The following MAF variants were observed in gnomAD, a reference collection of about 807,000 sequenced individuals.
MAF encodes the protein MAF bZIP transcription factor.
A neutral mutation model predicts 22.0 loss-of-function variants in MAF; 10 were observed. That is an observed-to-expected ratio of 0.45 (90% CI 0.28 to 0.77). The LOEUF (loss-of-function observed/expected upper bound fraction) is 0.77, where lower values mean the gene tolerates loss of function less well. MAF is among the 30% of genes least tolerant of loss of function. The pLI is 0.12. For missense variants in MAF, 544 were observed against 548.4 expected, an observed-to-expected ratio of 0.99 and a Z score of 0.08; for synonymous variants, 337 against 255.8, an observed-to-expected ratio of 1.32 and a Z score of -3.03.
chr16:79,488,351 C>A, the MAF span, among the ~76,000 whole-genome samples: 1 of 152,186 alleles, frequency 6.6e-6, no homozygotes, highest in Non-Finnish European at 1.5e-5. Context: ...CACCCCCTTA[C>A]TCTCCAGGTG....
At chr16:79,445,925 A>C in the MAF span, among the ~76,000 whole-genome samples, 152 of 152,334 alleles carry the variant, frequency 1.0e-3, no homozygotes, top group Non-Finnish European at 1.8e-3. Context: ...AATAAAAACA[A>C]TACATCAGAC....
chr16:79,316,021 C>A, the MAF span, among the ~76,000 whole-genome samples: 1 of 152,158 alleles, frequency 6.6e-6, no homozygotes, highest in Non-Finnish European at 1.5e-5. Flanking sequence ...CAGACCAGCT[C>A]ATGCTTGTGA....
the MAF span, among the ~76,000 whole-genome samples, chr16:79,403,993 T>C: frequency 3.9e-3 from 594 of 152,218 alleles, 7 homozygotes; most frequent in African/African-American, 0.014. Flanking sequence ...CTCACCTCCG[T>C]CCATGCAGTG....
At chr16:79,479,159 G>A in the MAF span, among the ~76,000 whole-genome samples, 10 of 151,628 alleles carry the variant, frequency 6.6e-5, no homozygotes, top group Non-Finnish European at 1.2e-4. Flanking sequence ...CAGCATACCC[G>A]TATCCCATCT....
At chr16:79,358,283 C>T in the MAF span, among the ~76,000 whole-genome samples, 2 of 152,164 alleles carry the variant, frequency 1.3e-5, no homozygotes, top group Non-Finnish European at 2.9e-5. Context: ...AGTTCCTCGA[C>T]CCCAGCAGGC....
the MAF span, among the ~76,000 whole-genome samples, chr16:79,316,577 A>C: frequency 6.6e-6 from 1 of 152,188 alleles, no homozygotes; most frequent in South Asian, 2.1e-4. Flanking sequence ...TAACCCAAAG[A>C]TCACTGGAAG....
At chr16:79,350,735 G>A in the MAF span, among the ~76,000 whole-genome samples, 1 of 152,168 alleles carries the variant, frequency 6.6e-6, no homozygotes, top group Non-Finnish European at 1.5e-5. Flanking sequence ...GACCCTGCAG[G>A]GACCTGCCCT....
the MAF span, among the ~76,000 whole-genome samples, chr16:79,323,587 C>G: frequency 6.6e-6 from 1 of 152,164 alleles, no homozygotes; most frequent in South Asian, 2.1e-4. Context: ...AACGCACACG[C>G]TCCCATGGGC....
downstream of MAF, among the ~76,000 whole-genome samples, chr16:79,591,389 A>G (rs1913183293): frequency 1.3e-5 from 2 of 152,210 alleles, no homozygotes; most frequent in Non-Finnish European, 2.9e-5. Flanking sequence ...TCTTGAATTA[A>G]TGCTCCTTCT....
chr16:79,233,518 G>C, the MAF span, among the ~76,000 whole-genome samples: 1 of 152,152 alleles, frequency 6.6e-6, no homozygotes, highest in South Asian at 2.1e-4. Context: ...AGATGCATCA[G>C]TAGCTAAGCA....
the MAF span, among the ~76,000 whole-genome samples, chr16:79,215,629 G>A: frequency 3.9e-5 from 6 of 152,224 alleles, no homozygotes; most frequent in African/African-American, 1.4e-4. Flanking sequence ...GACAACATGA[G>A]GCCTCGGGGA....
At chr16:79,452,544 T>A in the MAF span, among the ~76,000 whole-genome samples, 17 of 152,280 alleles carry the variant, frequency 1.1e-4, 1 homozygote, top group African/African-American at 4.1e-4. Context: ...TAAGATGACT[T>A]TTTTTCAGTA....
the MAF span, among the ~76,000 whole-genome samples, chr16:79,511,539 G>A: frequency 7.2e-5 from 11 of 152,172 alleles, no homozygotes; most frequent in African/African-American, 2.7e-4. Flanking sequence ...TAAGGGAGAC[G>A]TAGAATGCAT....
chr16:79,267,635 G>A, the MAF span, among the ~76,000 whole-genome samples: 1 of 152,210 alleles, frequency 6.6e-6, no homozygotes, highest in African/African-American at 2.4e-5. Context: ...ATGACATGGA[G>A]AGAGTTCTTC....
the MAF span, among the ~76,000 whole-genome samples, chr16:79,360,148 A>G: frequency 6.6e-6 from 1 of 152,140 alleles, no homozygotes; most frequent in African/African-American, 2.4e-5. Flanking sequence ...TCTTGTCTCC[A>G]TTAGCCACCC....
the MAF span, among the ~76,000 whole-genome samples, chr16:79,540,643 G>A: frequency 5.9e-5 from 9 of 152,146 alleles, no homozygotes; most frequent in Admixed American, 1.3e-4. Context: ...TCTGCTTCCC[G>A]GTGCATGCCG....
downstream of MAF, among the ~76,000 whole-genome samples, chr16:79,589,705 G>C (rs527610625): frequency 1.5e-3 from 228 of 152,280 alleles, 1 homozygote; most frequent in African/African-American, 5.2e-3. Flanking sequence ...GCGCACCGGG[G>C]AGTTTTGATA....
chr16:79,522,530 G>A, the MAF span, among the ~76,000 whole-genome samples: 20 of 152,312 alleles, frequency 1.3e-4, no homozygotes, highest in Non-Finnish European at 2.2e-4. Context: ...CCTGTAGCCG[G>A]CACAGGGTAA....
the MAF span, among the ~76,000 whole-genome samples, chr16:79,415,364 A>T: frequency 4.2e-5 from 6 of 141,210 alleles, no homozygotes; most frequent in Non-Finnish European, 9.5e-5. Context: ...GGCAGGCAAG[A>T]AGGAGGAAGG....
Sources: allele counts gnomAD v4.1 joint callset (sites outside exome capture counted in the v4.1 genomes callset), GRCh38; gene constraint gnomAD v4.1.1; transcripts MANE v1.5; gene names NCBI Gene and HGNC (gene_info 2026-07-23, HGNC 2026-07-21).